Variants in NLRP14 observed in about 807,000 individuals in gnomAD.
NLRP14 encodes the protein NACHT, LRR and PYD domains-containing protein 14.
NLRP14 carries 105 observed loss-of-function variants against 94.7 expected under a neutral mutation model. The ratio of observed to expected loss-of-function variants is 1.11; its 90% CI spans 0.95 to 1.30. The LOEUF (loss-of-function observed/expected upper bound fraction) is 1.30. Ranked by LOEUF, NLRP14 falls within the 50% of genes most tolerant of loss-of-function variation. The pLI is 0.00. For missense variants in NLRP14, 1,362 were observed against 1,254.1 expected, an observed-to-expected ratio of 1.09 and a Z score of -1.30; for synonymous variants, 508 against 459.9, an observed-to-expected ratio of 1.10 and a Z score of -1.34.
At chr11:7,085,767 A>G in the NLRP14 span, among the ~76,000 whole-genome samples, 1 of 152,208 alleles carries the variant, frequency 6.6e-6, no homozygotes, top group Non-Finnish European at 1.5e-5. Flanking sequence ...TAAATGCTAC[A>G]GAAATAGTTT....
the NLRP14 span, among the ~76,000 whole-genome samples, chr11:7,086,387 G>A: frequency 1.3e-5 from 2 of 152,146 alleles, no homozygotes; most frequent in Non-Finnish European, 2.9e-5. Flanking sequence ...CCAGGCTTTT[G>A]CCACAAGCCC....
chr11:7,051,718 G>A (rs1286389160), intron 6 of NLRP14, among the ~76,000 whole-genome samples: 1 of 152,118 alleles, frequency 6.6e-6, no homozygotes, highest in Non-Finnish European at 1.5e-5. Flanking sequence ...TGCCTCCTGG[G>A]TTCAAGCGAT....
chr11:7,035,274 G>A (rs1852145606), intron 1 of NLRP14, among the ~76,000 whole-genome samples: 1 of 152,146 alleles, frequency 6.6e-6, no homozygotes, highest in South Asian at 2.1e-4. Context: ...TGCAGTGAGT[G>A]GAGATCCACC....
chr11:7,057,586 T>G (rs1852534535), intron 6 of NLRP14, 91 bp from the exon 7 acceptor site: 6 of 1,251,382 alleles, frequency 4.8e-6, no homozygotes, highest in East Asian at 4.6e-5. Context: ...TTCCAAAGAT[T>G]AGGAAACTTC....
chr11:7,046,806 C>T lies in NLRP14; in HGVS notation c.2097C>T (p.His699=). ...ATATCCTGCATCATGAACTAAGGCACCCAAACTGTAAACTACAAAAGCTAC... is the reference window on the plus strand; with the variant it reads ...ATATCCTGCATCATGAACTAAGGCATCCAAACTGTAAACTACAAAAGCTAC... ...AMNILHHELR[H]PNCKLQKLLL... Residue 699 remains histidine (H), a synonymous_variant, in exon 5 of 12, where the codon CAC becomes CAT. Transcript: ENST00000299481. 6.2e-7 allele frequency: 1 copy of T among 1,613,536 alleles called. No homozygotes were observed. Among genetic ancestry groups the T allele is most frequent in the Non-Finnish European group, 8.5e-7 (1 of 1,179,532 alleles).
At chr11:7,032,451 TC>T (rs1852112012) in intron 1 of NLRP14, among the ~76,000 whole-genome samples, 1 of 152,224 alleles carries the variant, frequency 6.6e-6, no homozygotes, top group African/African-American at 2.4e-5. Flanking sequence ...GATTTTTTTT[TC>T]AGTGGATGAT....
downstream of NLRP14, among the ~76,000 whole-genome samples, chr11:7,073,431 C>A (rs1459149407): frequency 6.6e-6 from 1 of 152,216 alleles, no homozygotes; most frequent in Non-Finnish European, 1.5e-5. Context: ...GTTTTTACCA[C>A]ACCAAGCAAT....
chr11:7,047,029 A>G (rs1339567081), intron 5 of NLRP14, among the ~76,000 whole-genome samples, 197 bp downstream of exon 5: 2 of 152,230 alleles, frequency 1.3e-5, no homozygotes, highest in Non-Finnish European at 2.9e-5. Context: ...CACAGGGCAT[A>G]GTAGCTGTTC....
rs1334108882 is a variant in NLRP14 at position 7,071,347 on chromosome 11, A to AATAC, written c.*51_*54dup. 1.3e-6 allele frequency: 2 copies of AATAC among 1,536,554 alleles called. No homozygotes were observed. The highest frequency in any genetic ancestry group is 1.1e-5 in the South Asian group (1 of 87,714). ...ACATTCCTTTAAAAATATAAATATA[A>AATAC]ATACATACATACATAGATATATACC... On this transcript the variant is annotated 3_prime_UTR_variant, in exon 12 of 12. Transcript: ENST00000299481.
At chr11:7,085,513 A>G in the NLRP14 span, among the ~76,000 whole-genome samples, 1 of 152,204 alleles carries the variant, frequency 6.6e-6, no homozygotes, top group Non-Finnish European at 1.5e-5. Context: ...TTCACCTAGC[A>G]TAATGTCCTT....
Position 7,049,708 on chromosome 11 carries a change from A to G in NLRP14, c.2161A>G (p.Ile721Val). 2.5e-6 allele frequency: 4 copies of G among 1,611,646 alleles called. No homozygotes were observed. Among genetic ancestry groups the G allele is most frequent in the Non-Finnish European group, 3.4e-6 (4 of 1,177,774 alleles). Residue 721 changes from isoleucine to valine, a missense_variant, in exon 6 of 12, where the codon ATC (isoleucine) becomes GTC (valine). Ile to Val is a conservative substitution (Grantham distance 29, BLOSUM62 3). Transcript: ENST00000299481. ...FITFPDGCQDISTSLIHNKNL... is the reference protein window; with the variant it reads ...FITFPDGCQDVSTSLIHNKNL... ...CACTTTCCCTGATGGTTGTCAGGATATCTCTACTTCTTTGATTCATAACAA... is the reference window on the plus strand; with the variant it reads ...CACTTTCCCTGATGGTTGTCAGGATGTCTCTACTTCTTTGATTCATAACAA...
intron 10 of NLRP14, among the ~76,000 whole-genome samples, chr11:7,065,614 T>C (rs1852692421): frequency 6.6e-6 from 1 of 152,158 alleles, no homozygotes; most frequent in Non-Finnish European, 1.5e-5. Flanking sequence ...AACTTTCATA[T>C]GTTGTTCACA....
chr11:7,077,828 C>T, the NLRP14 span, among the ~76,000 whole-genome samples: 1 of 152,164 alleles, frequency 6.6e-6, no homozygotes, highest in African/African-American at 2.4e-5. Flanking sequence ...GGGTGCCTCC[C>T]ACAACATGTG....
intron 1 of NLRP14, among the ~76,000 whole-genome samples, chr11:7,021,933 T>G (rs7924566): frequency 6.6e-6 from 1 of 151,396 alleles, no homozygotes. Context: ...CTGAACCTCA[T>G]TGAACTAACC....
intron 6 of NLRP14, among the ~76,000 whole-genome samples, chr11:7,056,661 A>G (rs1322139692): frequency 1.3e-5 from 2 of 151,966 alleles, no homozygotes; most frequent in East Asian, 3.9e-4. Flanking sequence ...TAAGTGGGAT[A>G]TATTTTCTTT....
At position 7,058,271 on chromosome 11, in the gene NLRP14, C is replaced by G. The variant is rs746285664; in HGVS notation, c.2463-9C>G. 3 of 1,610,970 alleles carry G rather than the reference C, an allele frequency of 1.9e-6. No homozygotes were observed. Among genetic ancestry groups the G allele is most frequent in the Non-Finnish European group, 2.5e-6 (3 of 1,177,622 alleles). On this transcript the variant is annotated splice_polypyrimidine_tract_variant and intron_variant, in intron 7 of 11. Coordinates refer to ENST00000299481, the MANE Select transcript of NLRP14 (RefSeq NM_176822.4). The stretch of plus-strand genomic sequence containing the variant: ...TTGACAGATCTCTTCTCATCTCTTT[C>G]TCTTTCAGCTTAGAAAGCTGTGGTC...
At chr11:7,050,463 T>TA (rs1852425785) in intron 6 of NLRP14, among the ~76,000 whole-genome samples, 1 of 98,438 alleles carries the variant, frequency 1.0e-5, no homozygotes, top group Non-Finnish European at 2.3e-5. Context: ...TTAAGAAAGA[T>TA]CTTATTTTTC....
rs188032261 is a variant in NLRP14, at chr11:7,051,058, C to T, written c.2291+1220C>T. On this transcript the variant is annotated intron_variant, in intron 6 of 11. Coordinates refer to ENST00000299481, the MANE Select transcript of NLRP14 (RefSeq NM_176822.4). Reference sequence around the variant, plus strand: ...CAGTAGGACTTGATAAGATCCCTTCCATTTGAGGTTTGAGTAATGTCGTCC... The same window carrying T: ...CAGTAGGACTTGATAAGATCCCTTCTATTTGAGGTTTGAGTAATGTCGTCC... 5.2e-3 allele frequency among the ~76,000 whole-genome samples: 797 copies of T among 152,306 alleles called. 6 individuals are homozygous for T. Among genetic ancestry groups the T allele is most frequent in the Middle Eastern group, 0.034 (10 of 294 alleles).
the NLRP14 span, chr11:7,090,665 G>C: frequency 3.0e-6 from 1 of 330,398 alleles, no homozygotes; most frequent in South Asian, 3.0e-5. Context: ...ACCTAAAATG[G>C]AAAAACGGAT....
Sources: gnomAD v4.1 joint callset for allele counts (sites outside exome capture counted in the v4.1 genomes callset) on GRCh38, gnomAD v4.1.1 for gene constraint, MANE v1.5 for transcripts, NCBI Gene and HGNC (gene_info 2026-07-23, HGNC 2026-07-21) for gene names.